ABCA13: variants seen among roughly 807,000 people sequenced by gnomAD.
The protein encoded by ABCA13 is ATP-binding cassette sub-family A member 13.
Under a neutral mutation model 478.7 loss-of-function variants are expected in ABCA13, and 476 were observed. The observed-to-expected ratio is 0.99, with a 90% confidence interval of 0.92 to 1.07. The LOEUF is 1.07. Ranked by LOEUF, ABCA13 falls within the 50% of genes least tolerant of loss-of-function variation. The pLI is 0.00. For missense variants in ABCA13, 6,060 were observed against 5,910.6 expected (o/e 1.03, Z -0.83); for synonymous variants, 2,252 against 2,158.9 (o/e 1.04, Z -1.20).
intron 42 of ABCA13, among the ~76,000 whole-genome samples, chr7:48,438,568 C>A (rs547181168): frequency 8.9e-5 from 12 of 135,236 alleles, no homozygotes; most frequent in African/African-American, 2.5e-4. Flanking sequence ...ATCACATACT[C>A]AGCCTTTTTT....
chr7:48,195,160 C>A (rs1236616921), intron 2 of ABCA13, among the ~76,000 whole-genome samples: 2 of 152,176 alleles, frequency 1.3e-5, no homozygotes, highest in Non-Finnish European at 2.9e-5. Flanking sequence ...AAAGTAGAAC[C>A]AAAAGGCAGA....
At chr7:48,261,163 C>T (rs1203009242) in intron 15 of ABCA13, among the ~76,000 whole-genome samples, 1 of 151,894 alleles carries the variant, frequency 6.6e-6, no homozygotes, top group Non-Finnish European at 1.5e-5. Flanking sequence ...TAGCTGTGAG[C>T]AACCCTGTCT....
At position 48,274,681 on chromosome 7, in the gene ABCA13, A is replaced by T. The variant is rs2128756450; in HGVS notation, c.5015A>T (p.Lys1672Met). ...KVTSVMRTLK[K>M]ADIDLLVDQL... ...ACTTCTGTCATGCGTACCCTTAAGAAGGCAGACATAGACCTTTTAGTGGAT... is the reference window on the plus strand; with the variant it reads ...ACTTCTGTCATGCGTACCCTTAAGATGGCAGACATAGACCTTTTAGTGGAT... The change falls in exon 17 of 62, where the codon AAG (lysine) becomes ATG (methionine). Residue 1672 changes from lysine (K) to methionine (M), a missense_variant. Physicochemically the swap from Lys to Met is moderately conservative, Grantham distance 95 (BLOSUM62 -1). Around this residue, in one of 3 missense-constraint regions of ABCA13, gnomAD observed 4,423 missense variants for 4,309.1 expected, o/e 1.03. Transcript: ENST00000435803. 1 of 1,614,016 alleles carries T rather than the reference A, an allele frequency of 6.2e-7. No individual in the cohort carries two copies. Among genetic ancestry groups the T allele is most frequent in the East Asian group, 2.2e-5 (1 of 44,888 alleles).
chr7:48,444,934 G>GT (rs146908269), intron 42 of ABCA13, among the ~76,000 whole-genome samples: 1,604 of 151,854 alleles, frequency 0.011, 31 homozygotes, highest in African/African-American at 0.037. Context: ...CCCTCCATAT[G>GT]TAGCCATCCC....
At chr7:48,372,579 C>T (rs1812816155) in intron 33 of ABCA13, 82 bp downstream of exon 33, 1 of 1,158,936 alleles carries the variant, frequency 8.6e-7, no homozygotes, top group Admixed American at 2.8e-5. Context: ...CCACCACTCT[C>T]ACTTTTTCAA....
In ABCA13 at chr7:48,364,124, A is replaced by G. The variant is rs1055260069; in HGVS notation, c.10689-3670A>G. On this transcript the variant is annotated intron_variant, in intron 31 of 61. Coordinates refer to ENST00000435803, the MANE Select transcript of ABCA13 (RefSeq NM_152701.5). Reference sequence around the variant, plus strand: ...CTGGTGGTGGTGAGGACCAGGTGCCATTAATGACCTTACAGCTCAAAAGCT... The same window carrying G: ...CTGGTGGTGGTGAGGACCAGGTGCCGTTAATGACCTTACAGCTCAAAAGCT... Among the ~76,000 whole-genome samples the G allele has an allele frequency of 2.0e-5, 3 of 152,164 alleles. No individual in the cohort carries two copies. In the East Asian group the frequency reaches 5.8e-4, roughly 29 times the overall value.
chr7:48,235,602 G>T (rs1308021597), intron 8 of ABCA13, among the ~76,000 whole-genome samples: 1 of 152,192 alleles, frequency 6.6e-6, no homozygotes, highest in Admixed American at 6.5e-5. Flanking sequence ...TGCCTGAAAT[G>T]GTCTCACTGG....
At chr7:48,266,066 A>G (rs1245990768) in intron 15 of ABCA13, among the ~76,000 whole-genome samples, 2 of 151,720 alleles carry the variant, frequency 1.3e-5, no homozygotes, top group South Asian at 4.1e-4. Context: ...CTAGTCATAT[A>G]GTAAATTGCA....
chr7:48,259,729 T>C (rs1370570714), intron 15 of ABCA13, among the ~76,000 whole-genome samples: 1 of 152,024 alleles, frequency 6.6e-6, no homozygotes, highest in Admixed American at 6.6e-5. Context: ...TGTTTTTTTT[T>C]TGTGGCGCCC....
At chr7:48,558,168 TCCC>T (rs1563435084) in intron 55 of ABCA13, among the ~76,000 whole-genome samples, 848 of 55,874 alleles carry the variant, frequency 0.015, 9 homozygotes, top group African/African-American at 0.053. Context: ...CCTCCCTCCC[TCCC>T]TCCCTTCCTC....
At chr7:48,245,746 T>G in intron 12 of ABCA13, 117 bp from the exon 13 acceptor site, 2 of 1,438,094 alleles carry the variant, frequency 1.4e-6, no homozygotes, top group Non-Finnish European at 9.3e-7. Context: ...TTTCAAAACT[T>G]TATGTTGTGT....
At chr7:48,258,869 T>G (rs1289906843) in intron 15 of ABCA13, among the ~76,000 whole-genome samples, 4 of 152,176 alleles carry the variant, frequency 2.6e-5, no homozygotes, top group Admixed American at 6.5e-5. Flanking sequence ...ATTGTACCTA[T>G]AAGTCATGCA....
intron 28 of ABCA13, among the ~76,000 whole-genome samples, chr7:48,337,457 G>A (rs147407522): frequency 7.6e-4 from 115 of 152,304 alleles, no homozygotes; most frequent in African/African-American, 2.6e-3. Flanking sequence ...CCTTAGACAA[G>A]ATTAGTTAAA....
At chr7:48,332,246 A>G (rs946396661) in intron 27 of ABCA13, among the ~76,000 whole-genome samples, 6 of 152,120 alleles carry the variant, frequency 3.9e-5, no homozygotes, top group Non-Finnish European at 8.8e-5. Flanking sequence ...GAGCATCCTC[A>G]CCCTAAGACA....
rs192516761 is a variant in ABCA13 at position 48,374,896 on chromosome 7, G to A, written c.11203+480G>A. Among the ~76,000 whole-genome samples the A allele has an allele frequency of 4.4e-4, 67 of 152,230 alleles. No homozygotes were observed. In the East Asian group the frequency reaches 0.011, roughly 26 times the overall value. On this transcript the variant is annotated intron_variant, in intron 34 of 61. Coordinates refer to ENST00000435803, the MANE Select transcript of ABCA13 (RefSeq NM_152701.5). Reference sequence around the variant, plus strand: ...GCCACTCTCCATTGCTCACGTTATCGCCTGAGCTCCACCTCCTGTCAGGTC... The same window carrying A: ...GCCACTCTCCATTGCTCACGTTATCACCTGAGCTCCACCTCCTGTCAGGTC...
intron 55 of ABCA13, among the ~76,000 whole-genome samples, chr7:48,553,910 C>G (rs1391603757): frequency 2.0e-5 from 3 of 151,708 alleles, no homozygotes; most frequent in African/African-American, 7.2e-5. Context: ...GGAGAGTTTT[C>G]CAAAGTAATA....
At chr7:48,207,061 T>C (rs894391848) in intron 3 of ABCA13, among the ~76,000 whole-genome samples, 1 of 152,174 alleles carries the variant, frequency 6.6e-6, no homozygotes. Context: ...TGAGAACACA[T>C]AATATTTGTC....
chr7:48,314,179 G>C (rs1802199414), intron 25 of ABCA13, 53 bp from the exon 26 acceptor site: 1 of 1,560,810 alleles, frequency 6.4e-7, no homozygotes, highest in East Asian at 2.2e-5. Context: ...AGTGTGTGAA[G>C]GAATTGTTTT....
chr7:48,478,883 C>T (rs538323441), intron 45 of ABCA13, among the ~76,000 whole-genome samples: 1 of 151,588 alleles, frequency 6.6e-6, no homozygotes. Flanking sequence ...GTATTGTTTT[C>T]TGAGCCCCAA....
Sources: gnomAD v4.1 joint callset for allele counts (sites outside exome capture counted in the v4.1 genomes callset) on GRCh38, gnomAD v4.1.1 for gene constraint, gnomAD v4.1.1 regional missense constraint, MANE v1.5 for transcripts, NCBI Gene and HGNC (gene_info 2026-07-23, HGNC 2026-07-21) for gene names.